The following EVI5 variants were observed in gnomAD, a reference collection of about 807,000 sequenced individuals.
The protein encoded by EVI5 is ecotropic viral integration site 5 protein homolog.
In EVI5, 73 loss-of-function variants were observed where a neutral mutation model predicts 112.0. The observed-to-expected ratio is 0.65, with a 90% CI of 0.54 to 0.79. EVI5 has a LOEUF of 0.79. Among genes scored for constraint, EVI5 ranks in the 30% least tolerant of loss-of-function variants. The pLI, the probability that EVI5 is intolerant of heterozygous loss-of-function variation, is 0.00. For missense variants in EVI5, 900 were observed against 968.8 expected, an observed-to-expected ratio of 0.93 and a Z score of 0.94; for synonymous variants, 305 against 319.9, an observed-to-expected ratio of 0.95 and a Z score of 0.50.
intron 9 of EVI5, among the ~76,000 whole-genome samples, chr1:92,690,156 G>A (rs753522900): frequency 6.6e-6 from 1 of 152,134 alleles, no homozygotes; most frequent in Admixed American, 6.5e-5. Flanking sequence ...GGTATTGTGG[G>A]TGTGAGCCAC....
intron 19 of EVI5, among the ~76,000 whole-genome samples, chr1:92,525,749 G>A (rs529668020): frequency 1.9e-4 from 29 of 152,294 alleles, no homozygotes; most frequent in South Asian, 1.7e-3. Context: ...CTCATCGGAC[G>A]CTGGTACTAT....
At chr1:92,726,497 G>A (rs1375280016) in intron 2 of EVI5, among the ~76,000 whole-genome samples, 2 of 152,072 alleles carry the variant, frequency 1.3e-5, no homozygotes, top group Non-Finnish European at 2.9e-5. Context: ...CCAAAATGAT[G>A]ACCTTCTCAA....
rs1177269132 is a variant in EVI5, at chr1:92,694,150, T to C, written c.999+149A>G. ...AGTGGTGCATGCTTGTAATTCCAGC[T>C]ACACAGAAGGCTGAAGCGGTAGGAG... On this transcript the variant is annotated intron_variant, in intron 8 of 19. Transcript: ENST00000684568. 5 of 610,940 alleles carry C rather than the reference T, an allele frequency of 8.2e-6. No homozygotes were observed. The South Asian group carries it at 1.0e-4, about 13-fold the overall frequency. 37.8% of individuals were successfully genotyped at this position (610,940 alleles called of 1,614,324 possible).
intron 19 of EVI5, among the ~76,000 whole-genome samples, chr1:92,538,235 T>C (rs1253790794): frequency 6.6e-6 from 1 of 152,212 alleles, no homozygotes; most frequent in Non-Finnish European, 1.5e-5. Flanking sequence ...GAAGGTACTC[T>C]AAGGTCAACG....
At chr1:92,551,231 C>T (rs1330646695) in intron 19 of EVI5, among the ~76,000 whole-genome samples, 1 of 150,662 alleles carries the variant, frequency 6.6e-6, no homozygotes, top group Admixed American at 6.7e-5. Context: ...CAGGGTTTCT[C>T]CATGTTGCTC....
At chr1:92,616,447 A>G (rs1653172552) in intron 16 of EVI5, among the ~76,000 whole-genome samples, 1 of 152,220 alleles carries the variant, frequency 6.6e-6, no homozygotes, top group Non-Finnish European at 1.5e-5. Context: ...TGTCATGAAC[A>G]GCAGCGGCAA....
At chr1:92,573,263 T>G (rs1245489311) in intron 18 of EVI5, among the ~76,000 whole-genome samples, 1 of 152,028 alleles carries the variant, frequency 6.6e-6, no homozygotes, top group Non-Finnish European at 1.5e-5. Flanking sequence ...TGAAAATAAG[T>G]GTATTTTGAA....
At chr1:92,635,414 A>C (rs1658568244) in intron 14 of EVI5, among the ~76,000 whole-genome samples, 1 of 152,110 alleles carries the variant, frequency 6.6e-6, no homozygotes, top group African/African-American at 2.4e-5. Context: ...GCCGCCTTGC[A>C]GTTTGATCTC....
At chr1:92,635,345 C>A (rs1572031492) in intron 14 of EVI5, among the ~76,000 whole-genome samples, 3 of 152,314 alleles carry the variant, frequency 2.0e-5, no homozygotes, top group African/African-American at 7.2e-5. Context: ...AGCTTCCTGG[C>A]CGCGTTGTTT....
intron 19 of EVI5, among the ~76,000 whole-genome samples, chr1:92,534,463 G>A (rs939199009): frequency 3.3e-5 from 5 of 152,068 alleles, no homozygotes; most frequent in Non-Finnish European, 5.9e-5. Flanking sequence ...AAAAGAGCCC[G>A]TATAGCCAAG....
At chr1:92,711,573 T>C (rs530383258) in intron 2 of EVI5, among the ~76,000 whole-genome samples, 1 of 152,268 alleles carries the variant, frequency 6.6e-6, no homozygotes, top group South Asian at 2.1e-4. Context: ...AAGGACTGCT[T>C]GAGCCCAGGA....
At chr1:92,680,524 A>T (rs1339428052) in intron 9 of EVI5, among the ~76,000 whole-genome samples, 4 of 152,200 alleles carry the variant, frequency 2.6e-5, no homozygotes, top group African/African-American at 9.6e-5. Flanking sequence ...TAATAAATAA[A>T]GAATGAGGGA....
At chr1:92,648,277 G>C (rs1661385408) in intron 13 of EVI5, among the ~76,000 whole-genome samples, 1 of 148,758 alleles carries the variant, frequency 6.7e-6, no homozygotes, top group South Asian at 2.1e-4. Context: ...GGAGGCTGAG[G>C]GAGGAGAATG....
intron 1 of EVI5, among the ~76,000 whole-genome samples, chr1:92,776,246 G>T (rs193219324): frequency 2.1e-4 from 32 of 151,904 alleles, no homozygotes; most frequent in Admixed American, 4.6e-4. Context: ...TTTTAACACA[G>T]AAAAAGGATG....
At chr1:92,653,939 G>C (rs1662581935) in intron 13 of EVI5, among the ~76,000 whole-genome samples, 1 of 152,060 alleles carries the variant, frequency 6.6e-6, no homozygotes, top group South Asian at 2.1e-4. Flanking sequence ...TTACATTCCT[G>C]CCTGCCCGGG....
chr1:92,685,340 T>C (rs1417570280), intron 9 of EVI5, among the ~76,000 whole-genome samples: 3 of 152,208 alleles, frequency 2.0e-5, no homozygotes, highest in Non-Finnish European at 4.4e-5. Context: ...GAAATAAAGA[T>C]GTTCTTTGAA....
At chr1:92,693,255 G>A (rs993144884) in intron 9 of EVI5, among the ~76,000 whole-genome samples, 2 of 151,974 alleles carry the variant, frequency 1.3e-5, no homozygotes, top group Non-Finnish European at 2.9e-5. Context: ...CTTTAGTAGA[G>A]ACAGGGTACT....
At chr1:92,628,888 G>T in intron 14 of EVI5, among the ~76,000 whole-genome samples, 1 of 152,164 alleles carries the variant, frequency 6.6e-6, no homozygotes, top group Non-Finnish European at 1.5e-5. Flanking sequence ...AAAATTTACT[G>T]CATATTCATT....
rs552969725 is a variant in EVI5 at position 92,651,658 on chromosome 1, C to T, written c.1392+11061G>A. 2.9e-4 allele frequency among the ~76,000 whole-genome samples: 42 copies of T among 145,702 alleles called. No homozygotes were observed. In the South Asian group the frequency reaches 8.0e-3, roughly 28 times the overall value. ...CGAGGTCAGGAGATCGAGACCATCC[C>T]GGCTAAAACGGTGAAACCCCGTCTC... On this transcript the variant is annotated intron_variant, in intron 13 of 19. Coordinates refer to ENST00000684568, the MANE Select transcript of EVI5 (RefSeq NM_001350197.2).
Sources: gnomAD v4.1 joint callset for allele counts (sites outside exome capture counted in the v4.1 genomes callset) on GRCh38, gnomAD v4.1.1 for gene constraint, MANE v1.5 for transcripts, NCBI Gene and HGNC (gene_info 2026-07-23, HGNC 2026-07-21) for gene names.